Variants in NCKAP5 observed in about 807,000 individuals in gnomAD.
NCKAP5 encodes the protein nck-associated protein 5.
Under a neutral mutation model 167.0 loss-of-function variants are expected in NCKAP5, and 92 were observed. The ratio of observed to expected loss-of-function variants is 0.55; its 90% CI spans 0.47 to 0.66. The LOEUF is 0.66. NCKAP5 is among the 30% of genes least tolerant of loss of function. The pLI, the probability that NCKAP5 is intolerant of heterozygous loss-of-function variation, is 0.00. For missense variants in NCKAP5, 2,378 were observed against 2,315.0 expected, an observed-to-expected ratio of 1.03 and a Z score of -0.56; for synonymous variants, 891 against 877.4, an observed-to-expected ratio of 1.02 and a Z score of -0.27.
chr2:132,770,771 A>G (rs1333500571), intron 16 of NCKAP5, among the ~76,000 whole-genome samples: 5 of 152,220 alleles, frequency 3.3e-5, no homozygotes, highest in Non-Finnish European at 5.9e-5. Flanking sequence ...GTCATGTACA[A>G]CAAAATGAAG....
intron 8 of NCKAP5, among the ~76,000 whole-genome samples, chr2:132,895,855 C>T (rs1365902221): frequency 6.6e-6 from 1 of 150,988 alleles, no homozygotes; most frequent in Non-Finnish European, 1.5e-5. Flanking sequence ...ACACAGTAGG[C>T]CAGGCGCAGT....
In NCKAP5 at chr2:133,071,393, C is replaced by T. The variant is rs898945495; in HGVS notation, c.341+58585G>A. On this transcript the variant is annotated intron_variant, in intron 6 of 19. Coordinates refer to ENST00000409261, the MANE Select transcript of NCKAP5 (RefSeq NM_207363.3). ...CCGGGAGGCGGAGCTTGCAGTGAGC[C>T]GAGATCCCGCCACTGCACTCCAGCC... 1.1e-3 allele frequency among the ~76,000 whole-genome samples: 164 copies of T among 152,108 alleles called. 1 individual carries two copies. Among genetic ancestry groups the T allele is most frequent in the African/African-American group, 3.7e-3 (153 of 41,520 alleles).
intron 5 of NCKAP5, among the ~76,000 whole-genome samples, chr2:133,212,754 A>G (rs2086264546): frequency 6.6e-6 from 1 of 152,110 alleles, no homozygotes; most frequent in Non-Finnish European, 1.5e-5. Flanking sequence ...TCACCTTCCT[A>G]AGTATTTTAG....
chr2:133,168,993 T>G (rs1171913749), intron 5 of NCKAP5, among the ~76,000 whole-genome samples: 1 of 152,126 alleles, frequency 6.6e-6, no homozygotes, highest in East Asian at 1.9e-4. Flanking sequence ...CCAGGGGACA[T>G]GCTAGTCGTT....
intron 16 of NCKAP5, among the ~76,000 whole-genome samples, chr2:132,766,812 T>C (rs909538201): frequency 2.6e-5 from 4 of 152,240 alleles, no homozygotes; most frequent in African/African-American, 9.6e-5. Context: ...CTGCTCTATT[T>C]GCTGACTTTC....
At chr2:133,122,971 A>G (rs1030372446) in intron 6 of NCKAP5, 1 of 152,214 alleles carries the variant, frequency 6.6e-6, no homozygotes, top group Non-Finnish European at 1.5e-5. Flanking sequence ...CAAAAGGGTC[A>G]AATTACTTAA....
chr2:133,407,250 C>T (rs112818417), intron 3 of NCKAP5, among the ~76,000 whole-genome samples: 5 of 152,314 alleles, frequency 3.3e-5, no homozygotes, highest in South Asian at 2.1e-4. Context: ...CTTAGGAACA[C>T]AAAAGTGTTT....
chr2:133,335,766 A>G (rs896481721), intron 3 of NCKAP5, among the ~76,000 whole-genome samples: 5 of 152,180 alleles, frequency 3.3e-5, no homozygotes, highest in African/African-American at 1.2e-4. Context: ...AATTATTGCC[A>G]TCTTTAAGAA....
intron 8 of NCKAP5, among the ~76,000 whole-genome samples, chr2:132,960,682 T>C (rs552309139): frequency 2.4e-4 from 37 of 152,238 alleles, no homozygotes; most frequent in Non-Finnish European, 4.9e-4. Context: ...TGGAGGGTGA[T>C]TTGCTTAGAC....
chr2:132,879,778 G>C (rs1691608050), intron 8 of NCKAP5, among the ~76,000 whole-genome samples: 1 of 152,172 alleles, frequency 6.6e-6, no homozygotes, highest in Non-Finnish European at 1.5e-5. Flanking sequence ...TTTGGAAGTA[G>C]GGGTATAGTA....
At chr2:133,390,171 C>T (rs1307280970) in intron 3 of NCKAP5, among the ~76,000 whole-genome samples, 2 of 152,248 alleles carry the variant, frequency 1.3e-5, no homozygotes, top group African/African-American at 4.8e-5. Flanking sequence ...CCCAACCCTC[C>T]AGGCCCACTG....
chr2:132,952,533 T>C (rs1220704107), intron 8 of NCKAP5, among the ~76,000 whole-genome samples: 1 of 152,180 alleles, frequency 6.6e-6, no homozygotes, highest in African/African-American at 2.4e-5. Context: ...TAAAAGGTTA[T>C]GTCTTGATTG....
Position 133,509,595 on chromosome 2 carries a change from T to C in NCKAP5, c.69+7863A>G, listed in dbSNP as rs374954270. On this transcript the variant is annotated intron_variant, in intron 3 of 19. Coordinates refer to ENST00000409261, the MANE Select transcript of NCKAP5 (RefSeq NM_207363.3). ...TTTTCTATGTGTCAGACTTTAGGAA[T>C]ACAATGTGAATATGACATGGCCCAT... 7.9e-5 allele frequency among the ~76,000 whole-genome samples: 12 copies of C among 152,354 alleles called. No individual in the cohort carries two copies. The East Asian group carries it at 2.3e-3, about 29-fold the overall frequency.
intron 3 of NCKAP5, among the ~76,000 whole-genome samples, chr2:133,386,832 G>T (rs1428227864): frequency 6.6e-6 from 1 of 152,036 alleles, no homozygotes; most frequent in Non-Finnish European, 1.5e-5. Context: ...GATCTTTGTT[G>T]GTTTAGTCTG....
chr2:132,862,782 A>C (rs563799332), intron 10 of NCKAP5, among the ~76,000 whole-genome samples: 4 of 151,800 alleles, frequency 2.6e-5, no homozygotes, highest in African/African-American at 7.2e-5. Flanking sequence ...AAAAAAACCA[A>C]AAAAAAACAA....
intron 19 of NCKAP5, among the ~76,000 whole-genome samples, chr2:132,681,346 CTTT>C (rs772868601): frequency 1.4e-5 from 2 of 141,062 alleles, no homozygotes; most frequent in Non-Finnish European, 3.1e-5. Context: ...ACTGATTAGC[CTTT>C]TTTTTTTTTT....
chr2:133,124,255 C>T (rs2082335063), intron 6 of NCKAP5, among the ~76,000 whole-genome samples: 1 of 152,136 alleles, frequency 6.6e-6, no homozygotes, highest in Admixed American at 6.5e-5. Context: ...ATATGGGTGG[C>T]AAACCTTAAT....
Position 132,994,246 on chromosome 2 carries a change from A to T in NCKAP5, c.342-7T>A. The T allele has an allele frequency of 6.4e-7, 1 of 1,557,362 alleles. No individual in the cohort carries two copies. Among genetic ancestry groups the T allele is most frequent in the Non-Finnish European group, 8.7e-7 (1 of 1,150,730 alleles). ...TCGTACTGTTTCTTCCATCCTGAGAAACAAAAATATTAAGAATTTCTTAAA... is the reference window on the plus strand; with the variant it reads ...TCGTACTGTTTCTTCCATCCTGAGATACAAAAATATTAAGAATTTCTTAAA... On this transcript the variant is annotated splice_region_variant and splice_polypyrimidine_tract_variant and intron_variant, in intron 6 of 19. Transcript: ENST00000409261.
intron 3 of NCKAP5, among the ~76,000 whole-genome samples, chr2:133,493,498 G>A (rs565950781): frequency 3.6e-4 from 55 of 152,230 alleles, no homozygotes; most frequent in African/African-American, 1.2e-3. Flanking sequence ...TAGGTACCAC[G>A]GGAGTAAAGA....
Sources: gnomAD v4.1 joint callset for allele counts (sites outside exome capture counted in the v4.1 genomes callset) on GRCh38, gnomAD v4.1.1 for gene constraint, MANE v1.5 for transcripts, NCBI Gene and HGNC (gene_info 2026-07-23, HGNC 2026-07-21) for gene names.